MAP6: variants seen among roughly 807,000 people sequenced by gnomAD.
MAP6 encodes microtubule associated protein 6.
In MAP6, 26 loss-of-function variants were observed where a neutral mutation model predicts 42.4. The observed-to-expected ratio is 0.61, with a 90% CI of 0.45 to 0.85. MAP6 has a LOEUF of 0.85. MAP6 is among the 40% of genes least tolerant of loss of function. MAP6 has a pLI of 0.00. For missense variants in MAP6, 966 were observed against 1,099.0 expected, an observed-to-expected ratio of 0.88 and a Z score of 1.71; for synonymous variants, 418 against 443.8, an observed-to-expected ratio of 0.94 and a Z score of 0.73.
chr11:75,604,734 T>C (rs1942726693), intron 3 of MAP6: 1 of 985,368 alleles, frequency 1.0e-6, no homozygotes, highest in South Asian at 4.7e-5. Flanking sequence ...CTTTTATATA[T>C]TAATGAGGTC....
rs1156627030 is a variant in MAP6, at chr11:75,587,927, G to T, written c.1574C>A (p.Pro525Gln). ...LKNESPVISAPVKDQGPSVPV... is the reference protein window; with the variant it reads ...LKNESPVISAQVKDQGPSVPV... ...GACCGAGGGACCTTGGTCCTTGACT[G>T]GTGCTGAGATAACAGGGCTTTCATT... The change falls in exon 4 of 4, where the codon CCA (proline) becomes CAA (glutamine). Residue 525 changes from proline to glutamine, a missense_variant. By Grantham distance (76) the Pro-to-Gln change is moderately conservative (BLOSUM62 -1). This residue lies in a region of MAP6 where 943 missense variants were observed against 1,049.9 expected (regional missense o/e 0.90). Coordinates refer to ENST00000304771, the MANE Select transcript of MAP6 (RefSeq NM_033063.2). The T allele has an allele frequency of 2.5e-6, 4 of 1,614,024 alleles. No individual in the cohort carries two copies. The African/African-American group carries it at 5.3e-5, about 22-fold the overall frequency.
In MAP6 at chr11:75,598,427, G is replaced by A. The variant is rs549575108; in HGVS notation, c.1316+7381C>T. 3.3e-5 allele frequency among the ~76,000 whole-genome samples: 5 copies of A among 152,262 alleles called. No individual in the cohort carries two copies. The South Asian group carries it at 1.0e-3, about 32-fold the overall frequency. On this transcript the variant is annotated intron_variant, in intron 3 of 3. Transcript: ENST00000304771. Reference sequence around the variant, plus strand: ...ATTGGCCAACCTCTTAGATTACCCTGTAACCAAGGGCCCATGATTTTATGC... The same window carrying A: ...ATTGGCCAACCTCTTAGATTACCCTATAACCAAGGGCCCATGATTTTATGC...
chr11:75,622,616 G>C (rs977983027), intron 1 of MAP6, among the ~76,000 whole-genome samples: 1 of 152,190 alleles, frequency 6.6e-6, no homozygotes, highest in African/African-American at 2.4e-5. Flanking sequence ...ACTCTTTGTA[G>C]AAAATGACAA....
intron 1 of MAP6, among the ~76,000 whole-genome samples, chr11:75,622,142 A>G (rs1238934066): frequency 6.6e-6 from 1 of 152,198 alleles, no homozygotes; most frequent in Non-Finnish European, 1.5e-5. Flanking sequence ...TTAATTGTAC[A>G]TCTACATACT....
intron 3 of MAP6, among the ~76,000 whole-genome samples, chr11:75,593,797 C>G (rs1942524281): frequency 6.6e-6 from 1 of 152,166 alleles, no homozygotes; most frequent in Non-Finnish European, 1.5e-5. Context: ...GTTTTAAGAT[C>G]TATTATTTCT....
intron 1 of MAP6, among the ~76,000 whole-genome samples, chr11:75,617,385 G>T (rs1043550926): frequency 6.6e-6 from 1 of 151,686 alleles, no homozygotes; most frequent in East Asian, 2.0e-4. Flanking sequence ...GTGTGGTGGC[G>T]GGTGCTTGTA....
At chr11:75,660,479 T>C (rs1045134470) in intron 1 of MAP6, among the ~76,000 whole-genome samples, 2 of 152,198 alleles carry the variant, frequency 1.3e-5, no homozygotes, top group African/African-American at 4.8e-5. Context: ...CTAGCATCAC[T>C]ACCAGTTACC....
At chr11:75,601,059 T>A (rs1314188671) in intron 3 of MAP6, among the ~76,000 whole-genome samples, 2 of 152,196 alleles carry the variant, frequency 1.3e-5, no homozygotes, top group African/African-American at 2.4e-5. Context: ...GAGGGGAGCA[T>A]GGTGGGAACC....
chr11:75,620,520 A>T (rs1943089023), intron 1 of MAP6, among the ~76,000 whole-genome samples: 1 of 151,876 alleles, frequency 6.6e-6, no homozygotes, highest in African/African-American at 2.4e-5. Flanking sequence ...AAAAGAAAAT[A>T]GAAGAAAAGA....
intron 1 of MAP6, among the ~76,000 whole-genome samples, chr11:75,624,520 GAACCCAGGCC>G: frequency 6.6e-6 from 1 of 152,150 alleles, no homozygotes; most frequent in Admixed American, 6.5e-5. Context: ...GGCCTGACTG[GAACCCAGGCC>G]CATCCAACTC....
chr11:75,665,315 G>A (rs1452834961), intron 1 of MAP6, among the ~76,000 whole-genome samples: 1 of 152,190 alleles, frequency 6.6e-6, no homozygotes, highest in African/African-American at 2.4e-5. Context: ...AATCTGGAGT[G>A]CGTTATATTC....
chr11:75,655,394 C>T (rs1305094646), intron 1 of MAP6, among the ~76,000 whole-genome samples: 1 of 152,070 alleles, frequency 6.6e-6, no homozygotes, highest in African/African-American at 2.4e-5. Flanking sequence ...CTTGTGAGAC[C>T]CAGTTTAGGC....
At chr11:75,634,423 T>G (rs1943335554) in intron 1 of MAP6, among the ~76,000 whole-genome samples, 1 of 152,170 alleles carries the variant, frequency 6.6e-6, no homozygotes, top group South Asian at 2.1e-4. Context: ...ACTGCAGGCA[T>G]GTGCCACCAC....
intron 1 of MAP6, among the ~76,000 whole-genome samples, chr11:75,656,409 T>C (rs1375446427): frequency 3.9e-5 from 6 of 152,146 alleles, no homozygotes; most frequent in Admixed American, 1.3e-4. Context: ...AAGGGAAGGA[T>C]AGCAAAGATA....
chr11:75,603,832 T>C, intron 3 of MAP6: 4 of 985,410 alleles, frequency 4.1e-6, no homozygotes, highest in Non-Finnish European at 4.8e-6. Context: ...TTATTTGATC[T>C]GCAAAAATAA....
chr11:75,601,483 C>A (rs368594710), intron 3 of MAP6, among the ~76,000 whole-genome samples: 1 of 152,140 alleles, frequency 6.6e-6, no homozygotes, highest in Non-Finnish European at 1.5e-5. Context: ...CAAATACATA[C>A]GGCTTTTCAT....
chr11:75,668,557 G>A lies in MAP6; in HGVS notation c.-188C>T, dbSNP rs918423242. The stretch of plus-strand genomic sequence containing the variant: ...GGGGAGAGCTGTCCTAGGAGAGTCT[G>A]TAGAGTCCCTCGATTACCGGTCGCA... On this transcript the variant is annotated 5_prime_UTR_variant, in exon 1 of 4. Transcript: ENST00000304771. 2.8e-6 allele frequency: 2 copies of A among 718,326 alleles called. No homozygotes were observed. Among genetic ancestry groups the A allele is most frequent in the Non-Finnish European group, 3.8e-6 (2 of 519,632 alleles). The allele number at this position is 718,326 out of a possible 1,614,324, so 44.5% of individuals were successfully genotyped here. A position where few individuals can be genotyped will look rare whatever the true frequency, so the allele number is the denominator to read the frequency against.
At chr11:75,612,727 G>A (rs539497749) in intron 1 of MAP6, among the ~76,000 whole-genome samples, 3 of 152,270 alleles carry the variant, frequency 2.0e-5, no homozygotes, top group South Asian at 4.1e-4. Context: ...GAGCGAAGCA[G>A]CACTGTTTCT....
chr11:75,658,594 T>C (rs1943791942), intron 1 of MAP6, among the ~76,000 whole-genome samples: 1 of 152,194 alleles, frequency 6.6e-6, no homozygotes, highest in South Asian at 2.1e-4. Flanking sequence ...GTCTAATCTC[T>C]CCAGTCCATT....
Sources: allele counts gnomAD v4.1 joint callset (sites outside exome capture counted in the v4.1 genomes callset), GRCh38; gene constraint gnomAD v4.1.1; regional missense constraint gnomAD v4.1.1; transcripts MANE v1.5; gene names NCBI Gene and HGNC (gene_info 2026-07-23, HGNC 2026-07-21).